The following WSCD2 variants were observed in gnomAD, a reference collection of about 807,000 sequenced individuals.
WSCD2 encodes the protein WSC domain sialate O sulfotransferase 2.
In WSCD2, 28 loss-of-function variants were observed where a neutral mutation model predicts 55.7. That is an observed-to-expected ratio of 0.50 (90% confidence interval 0.37 to 0.69). The LOEUF is 0.69. Ranked by LOEUF, WSCD2 falls within the 30% of genes least tolerant of loss-of-function variation. WSCD2 has a pLI of 0.00. For synonymous variants in WSCD2, 301 were observed against 301.9 expected (o/e 1.00, Z 0.03); for missense variants, 616 against 762.1 (o/e 0.81, Z 2.26).
chr12:108,214,825 T>C (rs139160756), intron 4 of WSCD2, among the ~76,000 whole-genome samples: 102 of 152,350 alleles, frequency 6.7e-4, no homozygotes, highest in Admixed American at 1.8e-3. Context: ...ACTGAAAAAA[T>C]AGATACCTTG....
rs1565985096 is a variant in WSCD2 at position 108,227,162 on chromosome 12, A to C, written c.977A>C (p.Gln326Pro). Residue 326 changes from glutamine (Q) to proline (P), a missense_variant and splice_region_variant, in exon 6 of 9, where the codon CAA becomes CCA. Transcript: ENST00000547525. ...TTCATTGTGTACCAGACACAAGTCC[A>C]AGGTGAGCTAGGCCCTTCCCCAGTG... is the stretch of plus-strand genomic sequence containing the variant. ...SYFIVYQTQVQDNRCMDRRFL... is the reference protein window; with the variant it reads ...SYFIVYQTQVPDNRCMDRRFL... 5 of 1,612,762 alleles carry C rather than the reference A, an allele frequency of 3.1e-6. No homozygotes were observed. Among genetic ancestry groups the C allele is most frequent in the Non-Finnish European group, 4.2e-6 (5 of 1,179,304 alleles).
chr12:108,224,867 A>G lies in WSCD2; in HGVS notation c.804+7A>G. 6.2e-7 allele frequency: 1 copy of G among 1,612,296 alleles called. No homozygotes were observed. The highest frequency in any genetic ancestry group is 1.1e-5 in the South Asian group (1 of 90,972). On this transcript the variant is annotated splice_region_variant and intron_variant, in intron 5 of 8. Coordinates refer to ENST00000547525, the MANE Select transcript of WSCD2 (RefSeq NM_014653.4). ...GGACTTCTGCACTGAGAAGGTGAGCACAAGGTGGGGCCCATGGAACTCAGG... is the reference window on the plus strand; with the variant it reads ...GGACTTCTGCACTGAGAAGGTGAGCGCAAGGTGGGGCCCATGGAACTCAGG...
intron 8 of WSCD2, 48 bp downstream of exon 8, chr12:108,240,592 C>CGG: frequency 2.1e-6 from 1 of 484,834 alleles, no homozygotes; most frequent in South Asian, 3.5e-5. Context: ...CTTCGGGCTG[C>CGG]AGGGGGCGGT....
intron 1 of WSCD2, among the ~76,000 whole-genome samples, chr12:108,149,174 T>G (rs1047382561): frequency 6.6e-6 from 1 of 152,180 alleles, no homozygotes; most frequent in Non-Finnish European, 1.5e-5. Context: ...AACCTTGATC[T>G]CCCTGGCCCA....
At chr12:108,228,310 T>C (rs1888360625) in intron 6 of WSCD2, among the ~76,000 whole-genome samples, 1 of 152,148 alleles carries the variant, frequency 6.6e-6, no homozygotes, top group Non-Finnish European at 1.5e-5. Context: ...TCTCATTCAG[T>C]GATGTGAAGT....
chr12:108,140,910 C>G (rs1876731197), intron 1 of WSCD2, among the ~76,000 whole-genome samples: 1 of 152,248 alleles, frequency 6.6e-6, no homozygotes, highest in Non-Finnish European at 1.5e-5. Context: ...CATCCTGATC[C>G]ATGACAGGTC....
At chr12:108,200,430 T>A (rs186656290) in intron 2 of WSCD2, among the ~76,000 whole-genome samples, 27 of 152,332 alleles carry the variant, frequency 1.8e-4, no homozygotes, top group Non-Finnish European at 4.0e-4. Context: ...CCACTGGACT[T>A]ATACTATTTC....
chr12:108,222,193 A>C (rs1276771760), intron 4 of WSCD2, among the ~76,000 whole-genome samples: 1 of 152,168 alleles, frequency 6.6e-6, no homozygotes, highest in Non-Finnish European at 1.5e-5. Flanking sequence ...TATGCTAAAA[A>C]ACGCTTTTAC....
In WSCD2 at chr12:108,186,138, G is replaced by A. The variant is rs116038147; in HGVS notation, c.-551-9144G>A. Among the ~76,000 whole-genome samples the A allele has an allele frequency of 1.2e-3, 176 of 152,214 alleles. 1 individual carries two copies. The highest frequency in any genetic ancestry group is 4.0e-3 in the African/African-American group (166 of 41,526). On this transcript the variant is annotated intron_variant, in intron 1 of 8. Coordinates refer to ENST00000547525, the MANE Select transcript of WSCD2 (RefSeq NM_014653.4). Reference sequence around the variant, plus strand: ...CCAGAGCCCACAGTTTGGATATTTCGTTGACATGTACCTCAGTGGGTCTCT... The same window carrying A: ...CCAGAGCCCACAGTTTGGATATTTCATTGACATGTACCTCAGTGGGTCTCT...
At chr12:108,178,526 G>GTC (rs2136991403) in intron 1 of WSCD2, among the ~76,000 whole-genome samples, 1 of 152,286 alleles carries the variant, frequency 6.6e-6, no homozygotes, top group South Asian at 2.1e-4. Context: ...ACACACATCT[G>GTC]TCAAGATGTA....
At chr12:108,165,680 C>T (rs4964232) in intron 1 of WSCD2, among the ~76,000 whole-genome samples, 94,101 of 152,160 alleles carry the variant, frequency 0.62, 32,114 homozygotes, top group East Asian at 0.91. Flanking sequence ...ATATCCCAAA[C>T]TTAAATAATC....
chr12:108,190,640 C>A (rs1883045796), intron 1 of WSCD2, among the ~76,000 whole-genome samples: 3 of 152,176 alleles, frequency 2.0e-5, no homozygotes, highest in Admixed American at 2.0e-4. Context: ...GTTGGCAGCT[C>A]AACACCAGAG....
At chr12:108,146,674 G>A (rs750690381) in intron 1 of WSCD2, among the ~76,000 whole-genome samples, 3 of 152,322 alleles carry the variant, frequency 2.0e-5, no homozygotes, top group Admixed American at 1.3e-4. Context: ...AGGCCCAGGC[G>A]TAGGGTGGGC....
intron 4 of WSCD2, among the ~76,000 whole-genome samples, chr12:108,224,305 A>G (rs1193456632): frequency 6.6e-6 from 1 of 152,168 alleles, no homozygotes; most frequent in African/African-American, 2.4e-5. Context: ...GAGTAAGGAC[A>G]GGACAGCCCC....
Position 108,248,982 on chromosome 12 carries a change from G to A in WSCD2, c.*639G>A. On this transcript the variant is annotated 3_prime_UTR_variant, in exon 9 of 9. Transcript: ENST00000547525. The surrounding 1 kb of genome is among the most constrained non-coding windows in gnomAD (Gnocchi z 4.3). ...CCATGTGGGGCCATTGGTGTTATGA[G>A]CCCCCCAGGCCACACTGCTTCTCAG... The A allele has an allele frequency of 7.7e-6, 7 of 910,586 alleles. No homozygotes were observed. The highest frequency in any genetic ancestry group is 9.2e-6 in the Non-Finnish European group (7 of 761,390). The allele number at this position is 910,586 out of a possible 1,614,324, so 56.4% of individuals were successfully genotyped here.
intron 4 of WSCD2, among the ~76,000 whole-genome samples, chr12:108,216,028 C>T (rs1300205146): frequency 6.6e-6 from 1 of 152,144 alleles, no homozygotes; most frequent in African/African-American, 2.4e-5. Context: ...TCCTTGGACT[C>T]CCACTGTGGG....
chr12:108,248,647 A>C lies in WSCD2; in HGVS notation c.*304A>C. ...CCCTGCCCCCACCACTCTGGGTTCCATTTGTGGGAGGGAGGGCTCATCCAC... is the reference window on the plus strand; with the variant it reads ...CCCTGCCCCCACCACTCTGGGTTCCCTTTGTGGGAGGGAGGGCTCATCCAC... On this transcript the variant is annotated 3_prime_UTR_variant, in exon 9 of 9. Transcript: ENST00000547525. The surrounding 1 kb of genome is among the most constrained non-coding windows in gnomAD (Gnocchi z 4.3). The C allele has an allele frequency of 9.0e-7, 1 of 1,111,644 alleles. No homozygotes were observed. Among genetic ancestry groups the C allele is most frequent in the Non-Finnish European group, 1.1e-6 (1 of 907,092 alleles). The allele number at this position is 1,111,644 out of a possible 1,614,324, so 68.9% of individuals were successfully genotyped here.
chr12:108,161,860 C>G (rs1453255245), intron 1 of WSCD2, among the ~76,000 whole-genome samples: 1 of 152,180 alleles, frequency 6.6e-6, no homozygotes, highest in Non-Finnish European at 1.5e-5. Flanking sequence ...CTTTCCCACT[C>G]TGGGCCCTCA....
At chr12:108,182,845 T>C (rs1881966064) in intron 1 of WSCD2, among the ~76,000 whole-genome samples, 1 of 152,184 alleles carries the variant, frequency 6.6e-6, no homozygotes. Flanking sequence ...TATAGTTTTT[T>C]TTTTTCCTTG....
Sources: allele counts gnomAD v4.1 joint callset (sites outside exome capture counted in the v4.1 genomes callset), GRCh38; gene constraint gnomAD v4.1.1; non-coding constraint Gnocchi (gnomAD v3.1); transcripts MANE v1.5; gene names NCBI Gene and HGNC (gene_info 2026-07-23, HGNC 2026-07-21).